The following SLC39A6 variants were observed in gnomAD, a reference collection of about 807,000 sequenced individuals.
SLC39A6 encodes the protein solute carrier family 39 member 6.
A neutral mutation model predicts 63.5 loss-of-function variants in SLC39A6; 51 were observed. The observed-to-expected ratio is 0.80, with a 90% CI of 0.64 to 1.01. The LOEUF is 1.01. SLC39A6 is among the 50% of genes least tolerant of loss of function. The pLI, the probability that SLC39A6 is intolerant of heterozygous loss-of-function variation, is 0.00. For synonymous variants in SLC39A6, 318 were observed against 324.7 expected (o/e 0.98, Z 0.22); for missense variants, 805 against 927.8 (o/e 0.87, Z 1.72).
chr18:36,124,756 G>A, intron 2 of SLC39A6, 56 bp from the exon 3 acceptor site: 5 of 1,270,920 alleles, frequency 3.9e-6, no homozygotes, highest in Non-Finnish European at 5.4e-6. Context: ...AGAGTAGTCT[G>A]ATGACACAAT....
intron 2 of SLC39A6, 52 bp downstream of exon 2, chr18:36,126,167 A>G: frequency 6.8e-7 from 1 of 1,474,344 alleles, no homozygotes; most frequent in Non-Finnish European, 9.4e-7. Flanking sequence ...AGAGTAGCAG[A>G]GACAGGACAG....
At chr18:36,125,916 A>G (rs1475090372) in intron 2 of SLC39A6, among the ~76,000 whole-genome samples, 1 of 152,206 alleles carries the variant, frequency 6.6e-6, no homozygotes, top group Non-Finnish European at 1.5e-5. Context: ...GTTCACCTTT[A>G]TAGACTTTCT....
chr18:36,114,506 T>C (rs1427620193), intron 6 of SLC39A6, 32 bp from the exon 7 acceptor site: 1 of 1,531,858 alleles, frequency 6.5e-7, no homozygotes, highest in Admixed American at 1.9e-5. Flanking sequence ...ATGGGGACAG[T>C]TAGAAGGCTT....
intron 8 of SLC39A6, 142 bp downstream of exon 8, chr18:36,112,359 T>C (rs940573900): frequency 6.1e-6 from 4 of 658,694 alleles, no homozygotes; most frequent in Non-Finnish European, 1.1e-5. Context: ...AGATGATCCC[T>C]GATGTCATCA....
intron 6 of SLC39A6, among the ~76,000 whole-genome samples, chr18:36,115,594 C>A (rs942085405): frequency 6.6e-6 from 1 of 152,100 alleles, no homozygotes; most frequent in Admixed American, 6.6e-5. Context: ...TTGAGACCTG[C>A]ACAACAAGAG....
chr18:36,118,488 T>C (rs753607317), intron 5 of SLC39A6, among the ~76,000 whole-genome samples: 1 of 151,892 alleles, frequency 6.6e-6, no homozygotes, highest in Non-Finnish European at 1.5e-5. Context: ...GACCTAAAGA[T>C]AGGTAGGAAT....
In SLC39A6 at chr18:36,122,263, G is replaced by T; in HGVS notation, c.1148C>A (p.Ala383Glu). Reference sequence around the variant, plus strand: ...ATGGCTATGACTATGGTGGTGACTTGCATGAGACTGAAGGCAAAATAATTT... The same window carrying T: ...ATGGCTATGACTATGGTGGTGACTTTCATGAGACTGAAGGCAAAATAATTT... ...AFLHLLPHSH[A>E]SHHHSHSHEE... The change falls in exon 5 of 10, where the codon GCA (alanine) becomes GAA (glutamate). Residue 383 changes from alanine to glutamate, a missense_variant. Coordinates refer to ENST00000269187, the MANE Select transcript of SLC39A6 (RefSeq NM_012319.4). The T allele has an allele frequency of 1.9e-6, 3 of 1,605,334 alleles. No homozygotes were observed. Among genetic ancestry groups the T allele is most frequent in the Non-Finnish European group, 1.7e-6 (2 of 1,175,264 alleles).
chr18:36,113,844 T>C (rs2089321564), intron 7 of SLC39A6, among the ~76,000 whole-genome samples: 2 of 152,318 alleles, frequency 1.3e-5, no homozygotes, highest in African/African-American at 4.8e-5. Flanking sequence ...CTTAAGACCT[T>C]GCAATTTAAG....
At chr18:36,116,399 A>G (rs2144502541) in intron 6 of SLC39A6, among the ~76,000 whole-genome samples, 1 of 152,342 alleles carries the variant, frequency 6.6e-6, no homozygotes, top group East Asian at 1.9e-4. Context: ...TGGTAAAATA[A>G]CTGGGGAATA....
intron 6 of SLC39A6, among the ~76,000 whole-genome samples, chr18:36,116,084 A>T (rs2089342881): frequency 6.6e-6 from 1 of 152,186 alleles, no homozygotes; most frequent in Admixed American, 6.5e-5. Context: ...TGTACTCTGG[A>T]ACAATATTTT....
chr18:36,118,533 C>A (rs1378812427), intron 5 of SLC39A6, among the ~76,000 whole-genome samples: 2 of 152,088 alleles, frequency 1.3e-5, no homozygotes, highest in Non-Finnish European at 2.9e-5. Flanking sequence ...GCATTCCAGG[C>A]AGGGAGTAGC....
chr18:36,122,853 T>G (rs2089405735), intron 4 of SLC39A6, among the ~76,000 whole-genome samples: 1 of 152,224 alleles, frequency 6.6e-6, no homozygotes, highest in Admixed American at 6.5e-5. Context: ...GTCTGCCATC[T>G]GGTGGTCCGA....
Position 36,111,212 on chromosome 18 carries a change from A to T in SLC39A6, c.1962T>A (p.Val654=), listed in dbSNP as rs771177170. The T allele has an allele frequency of 6.2e-7, 1 of 1,614,174 alleles. No homozygotes were observed. Among genetic ancestry groups the T allele is most frequent in the Non-Finnish European group, 8.5e-7 (1 of 1,179,972 alleles). Residue 654 remains valine, a synonymous_variant, in exon 9 of 10, where the codon GTT becomes GTA. Coordinates refer to ENST00000269187, the MANE Select transcript of SLC39A6 (RefSeq NM_012319.4). ...FAVLLKAGMT[V]KQAVLYNALS... is the part of the protein sequence containing the mutation. ...ATGCATTATAAAGGACAGCCTGCTT[A>T]ACGGTCATGCCAGCCTTTAGTAGAA...
rs1341100752 is a variant in SLC39A6 at position 36,126,574 on chromosome 18, A to G, written c.434T>C (p.Leu145Pro). 1 of 1,614,154 alleles carries G rather than the reference A, an allele frequency of 6.2e-7. No homozygotes were observed. Among genetic ancestry groups the G allele is most frequent in the Non-Finnish European group, 8.5e-7 (1 of 1,180,028 alleles). ...AASGKNKRKA[L>P]CPDHDSDSSG... ...ACTATCTGAGTCATGGTCTGGGCAA[A>G]GAGCTTTTCGCTTATTTTTACCAGA... The change falls in exon 2 of 10, where the codon CTT (leucine) becomes CCT (proline). Residue 145 changes from leucine (L) to proline (P), a missense_variant. Transcript: ENST00000269187.
intron 5 of SLC39A6, among the ~76,000 whole-genome samples, chr18:36,118,305 G>C (rs1432680294): frequency 6.6e-6 from 1 of 152,146 alleles, no homozygotes; most frequent in Non-Finnish European, 1.5e-5. Context: ...CTGTTCTCAT[G>C]GAGCTTACTA....
chr18:36,112,453 T>C (rs889822151), intron 8 of SLC39A6, 48 bp downstream of exon 8: 3 of 1,380,514 alleles, frequency 2.2e-6, no homozygotes, highest in Non-Finnish European at 3.1e-6. Flanking sequence ...CCAGTGACAC[T>C]AGAACATTTC....
At chr18:36,124,770 C>A in intron 2 of SLC39A6, 70 bp from the exon 3 acceptor site, 1 of 1,169,296 alleles carries the variant, frequency 8.6e-7, no homozygotes, top group Admixed American at 2.5e-5. Context: ...ACACAATACC[C>A]TTTTTTACTA....
Position 36,111,199 on chromosome 18 carries a change from G to A in SLC39A6, c.1975C>T (p.Leu659Phe), listed in dbSNP as rs777884880. The A allele has an allele frequency of 6.2e-7, 1 of 1,614,082 alleles. No homozygotes were observed. Among genetic ancestry groups the A allele is most frequent in the Admixed American group, 1.7e-5 (1 of 60,028 alleles). The change falls in exon 9 of 10, where the codon CTT becomes TTT. Residue 659 changes from leucine to phenylalanine, a missense_variant. Coordinates refer to ENST00000269187, the MANE Select transcript of SLC39A6 (RefSeq NM_012319.4). ...AGCATGGCTGACAATGCATTATAAA[G>A]GACAGCCTGCTTAACGGTCATGCCA... ...KAGMTVKQAV[L>F]YNALSAMLAY...
rs774610767 is a variant in SLC39A6 at position 36,126,710 on chromosome 18, A to T, written c.298T>A (p.Ser100Thr). Residue 100 changes from serine (S) to threonine (T), a missense_variant, in exon 2 of 10, where the codon TCA (serine) becomes ACA (threonine). Physicochemically the swap from Ser to Thr is moderately conservative, Grantham distance 58 (BLOSUM62 1). Transcript: ENST00000269187. ...IHIHHDHDHH[S>T]DHEHHSDHER... is the part of the protein sequence containing the mutation. The stretch of plus-strand genomic sequence containing the variant: ...TGGTCTGAGTGATGCTCGTGGTCTG[A>T]GTGATGGTCGTGGTCATGGTGTATA... 4 of 1,613,714 alleles carry T rather than the reference A, an allele frequency of 2.5e-6. No homozygotes were observed. The highest frequency in any genetic ancestry group is 3.4e-6 in the Non-Finnish European group (4 of 1,179,868).
Sources: gnomAD v4.1 joint callset for allele counts (sites outside exome capture counted in the v4.1 genomes callset) on GRCh38, gnomAD v4.1.1 for gene constraint, MANE v1.5 for transcripts, NCBI Gene and HGNC (gene_info 2026-07-23, HGNC 2026-07-21) for gene names.